The following INPP5B variants were observed in gnomAD, a reference collection of about 807,000 sequenced individuals.
INPP5B encodes type II inositol 1,4,5-trisphosphate 5-phosphatase.
INPP5B carries 90 observed loss-of-function variants against 118.5 expected under a neutral mutation model. The observed-to-expected ratio is 0.76, with a 90% confidence interval of 0.64 to 0.90. The LOEUF is 0.90. Ranked by LOEUF, INPP5B falls within the 40% of genes least tolerant of loss-of-function variation. The probability of loss-of-function intolerance (pLI) is 0.00; values close to 1 mark genes in which losing one functional copy is unlikely to be tolerated. For missense variants in INPP5B, 984 were observed against 1,125.6 expected, an observed-to-expected ratio of 0.87 and a Z score of 1.80; for synonymous variants, 385 against 418.9, an observed-to-expected ratio of 0.92 and a Z score of 0.99.
At chr1:37,931,425 C>A (rs1645452666) in intron 7 of INPP5B, 7 of 1,518,042 alleles carry the variant, frequency 4.6e-6, no homozygotes, top group African/African-American at 1.4e-5. Flanking sequence ...CGGAACGGAG[C>A]TTTACTAAAA....
At chr1:37,866,619 A>G in intron 20 of INPP5B, 76 bp from the exon 21 acceptor site, 1 of 860,370 alleles carries the variant, frequency 1.2e-6, no homozygotes, top group Non-Finnish European at 1.9e-6. Context: ...TGGCAATATC[A>G]ATAGCAGAAT....
chr1:37,884,254 C>T (rs958914021), intron 13 of INPP5B: 2 of 152,170 alleles, frequency 1.3e-5, no homozygotes, highest in East Asian at 1.9e-4. Flanking sequence ...ACTCAGACTA[C>T]AATATAGCCG....
At chr1:37,868,410 CCA>C (rs1642184363) in intron 20 of INPP5B, 89 bp downstream of exon 20, 1 of 774,650 alleles carries the variant, frequency 1.3e-6, no homozygotes, top group Admixed American at 1.9e-5. Flanking sequence ...GAACAGTTCT[CCA>C]CAGTTTCCTT....
At chr1:37,893,704 T>C (rs1388994029) in intron 7 of INPP5B, among the ~76,000 whole-genome samples, 1 of 152,208 alleles carries the variant, frequency 6.6e-6, no homozygotes, top group Non-Finnish European at 1.5e-5. Context: ...GGCTTCATAC[T>C]GGATAAACCC....
chr1:37,908,698 C>A lies in INPP5B; in HGVS notation c.533-17244G>T, dbSNP rs552898189. 1.2e-4 allele frequency among the ~76,000 whole-genome samples: 19 copies of A among 152,222 alleles called. No homozygotes were observed. In the East Asian group the frequency reaches 3.3e-3, roughly 26 times the overall value. On this transcript the variant is annotated intron_variant, in intron 7 of 23. Transcript: ENST00000373024. The stretch of plus-strand genomic sequence containing the variant: ...TTGGTGTTTAATCACTGCGGAGATG[C>A]CTGCCTGATTATTCACCCACCCTCC...
intron 7 of INPP5B, among the ~76,000 whole-genome samples, chr1:37,898,270 G>A (rs114994426): frequency 0.014 from 2,148 of 152,220 alleles, 51 homozygotes; most frequent in African/African-American, 0.05. Context: ...GGGTTTTGGG[G>A]GTGAGGGTGG....
At chr1:37,873,556 ACCCTTC>A (rs1642602642) in intron 18 of INPP5B, among the ~76,000 whole-genome samples, 1 of 152,116 alleles carries the variant, frequency 6.6e-6, no homozygotes, top group Non-Finnish European at 1.5e-5. Flanking sequence ...TCCACAAAAC[ACCCTTC>A]ATTGTTCCAT....
At chr1:37,940,646 C>T (rs763899477) in intron 6 of INPP5B, 42 bp downstream of exon 6, 1 of 1,230,362 alleles carries the variant, frequency 8.1e-7, no homozygotes, top group Non-Finnish European at 1.2e-6. Flanking sequence ...GGTGAATACC[C>T]AGCAACCCAC....
At chr1:37,863,853 C>T (rs1308832414) in intron 23 of INPP5B, among the ~76,000 whole-genome samples, 4 of 143,482 alleles carry the variant, frequency 2.8e-5, no homozygotes, top group African/African-American at 7.8e-5. Context: ...CTCACTCTGT[C>T]GCCCAGGCTG....
Position 37,910,314 on chromosome 1 carries a change from A to T in INPP5B, c.533-18860T>A, listed in dbSNP as rs56991182. 3.4e-3 allele frequency among the ~76,000 whole-genome samples: 512 copies of T among 152,180 alleles called. 2 individuals carry two copies. Among genetic ancestry groups the T allele is most frequent in the African/African-American group, 0.012 (491 of 41,498 alleles). On this transcript the variant is annotated intron_variant, in intron 7 of 23. Coordinates refer to ENST00000373024, the MANE Select transcript of INPP5B (RefSeq NM_005540.3). ...TGTGGGTATTGACAGCCAGGCGTCTAAACCTCCTAAAACTCCCCAACTCTG... is the reference window on the plus strand; with the variant it reads ...TGTGGGTATTGACAGCCAGGCGTCTTAACCTCCTAAAACTCCCCAACTCTG...
Position 37,921,975 on chromosome 1 carries a change from T to C in INPP5B, c.532+9938A>G, listed in dbSNP as rs1009942865. Among the ~76,000 whole-genome samples, 3 of 152,104 alleles carry C rather than the reference T, an allele frequency of 2.0e-5. No homozygotes were observed. The East Asian group carries it at 5.8e-4, about 29-fold the overall frequency. On this transcript the variant is annotated intron_variant, in intron 7 of 23. Transcript: ENST00000373024. ...TGAACCCAGGAGGTGGAAGCTGCAATGAGCCGAGATCATGCCACTGCACTC... is the reference window on the plus strand; with the variant it reads ...TGAACCCAGGAGGTGGAAGCTGCAACGAGCCGAGATCATGCCACTGCACTC...
At chr1:37,922,010 C>A (rs1274975906) in intron 7 of INPP5B, among the ~76,000 whole-genome samples, 2 of 149,166 alleles carry the variant, frequency 1.3e-5, no homozygotes, top group Non-Finnish European at 1.5e-5. Flanking sequence ...CCAGCCTGGG[C>A]AACAGAGCAA....
intron 7 of INPP5B, among the ~76,000 whole-genome samples, chr1:37,902,650 C>T (rs1172094970): frequency 6.6e-6 from 1 of 152,016 alleles, no homozygotes; most frequent in Non-Finnish European, 1.5e-5. Context: ...CTCCACCTCC[C>T]GGGTTCAAAC....
chr1:37,862,266 G>C lies in INPP5B; in HGVS notation c.*49C>G, dbSNP rs1423913682. 1.7e-6 allele frequency: 2 copies of C among 1,151,956 alleles called. No individual in the cohort carries two copies. Among genetic ancestry groups the C allele is most frequent in the African/African-American group, 1.6e-5 (1 of 62,350 alleles). 71.4% of individuals were successfully genotyped at this position (1,151,956 alleles called of 1,614,324 possible). A position where few individuals can be genotyped will look rare whatever the true frequency, so the allele number is the denominator to read the frequency against. ...TAAGGCATCTCTTGAGCTGAAACAGGTGGGGCTGGTAATTGGCAGCCTCAA... is the reference window on the plus strand; with the variant it reads ...TAAGGCATCTCTTGAGCTGAAACAGCTGGGGCTGGTAATTGGCAGCCTCAA... On this transcript the variant is annotated 3_prime_UTR_variant, in exon 24 of 24. Transcript: ENST00000373024.
chr1:37,936,396 G>A (rs1186302543), intron 6 of INPP5B, among the ~76,000 whole-genome samples: 3 of 152,192 alleles, frequency 2.0e-5, no homozygotes, highest in East Asian at 3.9e-4. Context: ...CGAGGCGGGC[G>A]GATCACCAGA....
chr1:37,940,574 C>T (rs577777273), intron 6 of INPP5B, 114 bp downstream of exon 6: 12 of 647,098 alleles, frequency 1.9e-5, no homozygotes, highest in South Asian at 1.3e-4. Context: ...CCAGCAGCTT[C>T]GAAAGGACAC....
chr1:37,896,415 G>A, intron 7 of INPP5B, among the ~76,000 whole-genome samples: 1 of 151,542 alleles, frequency 6.6e-6, no homozygotes, highest in Admixed American at 6.5e-5. Context: ...TCGTCCGGGA[G>A]GGAGGTGGGG....
At chr1:37,927,713 A>AT (rs1645288033) in intron 7 of INPP5B, among the ~76,000 whole-genome samples, 1 of 151,264 alleles carries the variant, frequency 6.6e-6, no homozygotes, top group East Asian at 1.9e-4. Flanking sequence ...ATTTTTTTGT[A>AT]TTTTTAGTAG....
intron 11 of INPP5B, 38 bp downstream of exon 11, chr1:37,887,313 G>T: frequency 1.7e-6 from 2 of 1,184,484 alleles, no homozygotes; most frequent in South Asian, 1.3e-5. Context: ...TCCCTGCATG[G>T]CAACATAAAA....
Sources: gnomAD v4.1 joint callset for allele counts (sites outside exome capture counted in the v4.1 genomes callset) on GRCh38, gnomAD v4.1.1 for gene constraint, MANE v1.5 for transcripts, NCBI Gene and HGNC (gene_info 2026-07-23, HGNC 2026-07-21) for gene names.